The following ING2 variants were observed in gnomAD, a reference collection of about 807,000 sequenced individuals.
ING2 encodes the protein inhibitor of growth family member 2.
Under a neutral mutation model 30.6 loss-of-function variants are expected in ING2, and 7 were observed. That is an observed-to-expected ratio of 0.23 (90% confidence interval 0.13 to 0.43). The LOEUF (loss-of-function observed/expected upper bound fraction) is 0.43. Ranked by LOEUF, ING2 falls within the 20% of genes least tolerant of loss-of-function variation. ING2 has a pLI of 1.00. For missense variants in ING2, 239 were observed against 334.9 expected (o/e 0.71, Z 2.24); for synonymous variants, 136 against 121.7 (o/e 1.12, Z -0.78).
Position 183,510,265 on chromosome 4 carries a change from T to C in ING2, c.173-17T>C, listed in dbSNP as rs772963266. 6.6e-7 allele frequency: 1 copy of C among 1,514,014 alleles called. No homozygotes were observed. 93.8% of individuals were successfully genotyped at this position (1,514,014 alleles called of 1,614,324 possible). On this transcript the variant is annotated splice_polypyrimidine_tract_variant and intron_variant, in intron 1 of 1. Coordinates refer to ENST00000302327, the MANE Select transcript of ING2 (RefSeq NM_001564.4). Reference sequence around the variant, plus strand: ...TAACACATGATAACGTTCTCATTTTTCTTTTCCTTTTTTTAGAAACGTTAA... The same window carrying C: ...TAACACATGATAACGTTCTCATTTTCCTTTTCCTTTTTTTAGAAACGTTAA...
chr4:183,510,873 G>A lies in ING2; in HGVS notation c.764G>A (p.Cys255Tyr). The A allele has an allele frequency of 6.2e-7, 1 of 1,614,078 alleles. No homozygotes were observed. Among genetic ancestry groups the A allele is most frequent in the Non-Finnish European group, 8.5e-7 (1 of 1,179,950 alleles). Residue 255 changes from cysteine to tyrosine, a missense_variant, in exon 2 of 2, where the codon TGC (cysteine) becomes TAC (tyrosine). By Grantham distance (194) the Cys-to-Tyr change is radical (BLOSUM62 -2). Coordinates refer to ENST00000302327, the MANE Select transcript of ING2 (RefSeq NM_001564.4). Reference protein sequence around the residue: ...LTYKPKGKWYCPKCRGDNEKT... With the variant: ...LTYKPKGKWYYPKCRGDNEKT... ...TATAAACCAAAGGGGAAATGGTATT[G>A]CCCAAAGTGCAGGGGAGATAATGAG... is the stretch of plus-strand genomic sequence containing the variant.
At position 183,510,577 on chromosome 4, in the gene ING2, G is replaced by A; in HGVS notation, c.468G>A (p.Arg156=). 6.2e-7 allele frequency: 1 copy of A among 1,614,030 alleles called. No individual in the cohort carries two copies. The highest frequency in any genetic ancestry group is 1.3e-5 in the African/African-American group (1 of 75,036). Residue 156 remains arginine (R), a synonymous_variant, in exon 2 of 2, where the codon CGG becomes CGA. Coordinates refer to ENST00000302327, the MANE Select transcript of ING2 (RefSeq NM_001564.4). ...CTTCAAGAAGACCCCGCAGGCAGCG[G>A]ACCAGTGAAAGCCGTGATTTATGTC... The part of the protein sequence containing the change: ...ERSSRRPRRQ[R]TSESRDLCHM...
rs1734808279 is a variant in ING2 at position 183,510,928 on chromosome 4, A to G, written c.819A>G (p.Thr273=). 2.5e-6 allele frequency: 4 copies of G among 1,596,402 alleles called. No individual in the cohort carries two copies. In the East Asian group the frequency reaches 9.0e-5, roughly 36 times the overall value. ...EKTMDKSTEK[T]KKDRRSR ...CAATGGACAAAAGTACTGAAAAGACAAAAAAGGATAGAAGATCGAGGTAGT... is the reference window on the plus strand; with the variant it reads ...CAATGGACAAAAGTACTGAAAAGACGAAAAAGGATAGAAGATCGAGGTAGT... The change falls in exon 2 of 2, where the codon ACA becomes ACG. Residue 273 remains threonine (T), a synonymous_variant. Transcript: ENST00000302327.
chr4:183,505,348 G>A lies in ING2; in HGVS notation c.153G>A (p.Glu51=). Residue 51 remains glutamate (E), a synonymous_variant, in exon 1 of 2, where the codon GAG becomes GAA. Transcript: ENST00000302327. ...AGAGGAACGTGTCTGTGCTGCGAGAGCTGGACAACAAATATCAAGGTAGGA... is the reference window on the plus strand; with the variant it reads ...AGAGGAACGTGTCTGTGCTGCGAGAACTGGACAACAAATATCAAGGTAGGA... ...DMQRNVSVLR[E]LDNKYQETLK... The A allele has an allele frequency of 1.3e-6, 2 of 1,540,598 alleles. No homozygotes were observed. Among genetic ancestry groups the A allele is most frequent in the Non-Finnish European group, 1.8e-6 (2 of 1,142,836 alleles).
At position 183,505,262 on chromosome 4, in the gene ING2, C is replaced by T. The variant is rs550859084; in HGVS notation, c.67C>T (p.Leu23=). The change falls in exon 1 of 2, where the codon CTG becomes TTG. Residue 23 remains leucine (L), a synonymous_variant. Coordinates refer to ENST00000302327, the MANE Select transcript of ING2 (RefSeq NM_001564.4). ...GCTCCTGACCGGGGAGCGGAGCCGG[C>T]TGCTCACCTGCTACGTGCAGGACTA... ...AALLTGERSR[L]LTCYVQDYLE... 9.7e-5 allele frequency: 155 copies of T among 1,590,940 alleles called. 1 individual carries two copies. In the South Asian group the frequency reaches 1.7e-3, roughly 17 times the overall value.
In ING2 at chr4:183,510,285, C is replaced by T. The variant is rs1734791580; in HGVS notation, c.176C>T (p.Thr59Met). The T allele has an allele frequency of 6.4e-7, 1 of 1,563,390 alleles. No homozygotes were observed. Among genetic ancestry groups the T allele is most frequent in the African/African-American group, 1.4e-5 (1 of 72,262 alleles). Reference protein sequence around the residue: ...LRELDNKYQETLKEIDDVYEK... With the variant: ...LRELDNKYQEMLKEIDDVYEK... ...ATTTTTCTTTTCCTTTTTTTAGAAA[C>T]GTTAAAGGAAATTGATGATGTCTAC... Residue 59 changes from threonine to methionine, a missense_variant, in exon 2 of 2, where the codon ACG (threonine) becomes ATG (methionine). Physicochemically the swap from Thr to Met is moderately conservative, Grantham distance 81. This residue lies in a region of ING2 where 80 missense variants were observed against 102.4 expected (regional missense o/e 0.78). Transcript: ENST00000302327.
intron 1 of ING2, among the ~76,000 whole-genome samples, chr4:183,509,550 A>T (rs569625723): frequency 3.4e-5 from 5 of 146,004 alleles, no homozygotes; most frequent in Non-Finnish European, 6.0e-5. Flanking sequence ...GGTTCTCGCC[A>T]TTCTCCTGCC....
chr4:183,506,037 A>AGGGCCCCCGCGCCGGGGGC lies in ING2; in HGVS notation c.172+674_172+692dup, dbSNP rs1249312844. Reference sequence around the variant, plus strand: ...GAAGAGAGGGGCGTGTGTGGCGGGGAGGGCCCCCGCGCCGGGGGCGGGGCC... The same window carrying AGGGCCCCCGCGCCGGGGGC: ...GAAGAGAGGGGCGTGTGTGGCGGGGAGGGCCCCCGCGCCGGGGGCGGGCCCCCGCGCCGGGGGCGGGGCC... On this transcript the variant is annotated intron_variant, in intron 1 of 1. Transcript: ENST00000302327. The AGGGCCCCCGCGCCGGGGGC allele has an allele frequency of 2.9e-6, 3 of 1,039,106 alleles. No homozygotes were observed. The East Asian group carries it at 2.8e-4, about 97-fold the overall frequency. 64.4% of individuals were successfully genotyped at this position (1,039,106 alleles called of 1,614,324 possible). A position where few individuals can be genotyped will look rare whatever the true frequency, so the allele number is the denominator to read the frequency against.
chr4:183,511,069 A>G lies in ING2; in HGVS notation c.*117A>G. 2.5e-6 allele frequency: 2 copies of G among 814,188 alleles called. No individual in the cohort carries two copies. Among genetic ancestry groups the G allele is most frequent in the South Asian group, 2.0e-5 (1 of 49,326 alleles). The allele number at this position is 814,188 out of a possible 1,614,324, so 50.4% of individuals were successfully genotyped here. A position where few individuals can be genotyped will look rare whatever the true frequency, so the allele number is the denominator to read the frequency against. On this transcript the variant is annotated 3_prime_UTR_variant, in exon 2 of 2. Coordinates refer to ENST00000302327, the MANE Select transcript of ING2 (RefSeq NM_001564.4). ...CAATAATTTTTAATCATTAGTATTA[A>G]TGGTGTATTAAAAGTTGTTGTACTT...
rs1734833459 is a variant in ING2, at chr4:183,512,172, T to C, written c.*1220T>C. Among the ~76,000 whole-genome samples the C allele has an allele frequency of 6.6e-6, 1 of 152,216 alleles. No individual in the cohort carries two copies. Among genetic ancestry groups the C allele is most frequent in the Non-Finnish European group, 1.5e-5 (1 of 68,020 alleles). On this transcript the variant is annotated 3_prime_UTR_variant, in exon 2 of 2. Coordinates refer to ENST00000302327, the MANE Select transcript of ING2 (RefSeq NM_001564.4). ...CTGTGTGTAACGTATGTTTTATTCC[T>C]CATTTCTTCCTAATCTGATGATCTT...
intron 1 of ING2, chr4:183,505,953 G>A: frequency 2.4e-6 from 1 of 425,104 alleles, no homozygotes; most frequent in Non-Finnish European, 3.5e-6. Context: ...CCGCGTTGTA[G>A]CCCTAGCCCA....
chr4:183,509,828 G>A (rs1382444720), intron 1 of ING2, among the ~76,000 whole-genome samples: 1 of 151,240 alleles, frequency 6.6e-6, no homozygotes, highest in Non-Finnish European at 1.5e-5. Flanking sequence ...CCGCCTTCCG[G>A]GTTCAAGCAG....
intron 1 of ING2, among the ~76,000 whole-genome samples, chr4:183,509,816 C>T (rs1734776337): frequency 2.0e-5 from 3 of 149,580 alleles, no homozygotes; most frequent in East Asian, 2.0e-4. Flanking sequence ...TCACGGCAAC[C>T]TCCGCCTTCC....
intron 1 of ING2, among the ~76,000 whole-genome samples, chr4:183,508,702 A>C (rs1734740651): frequency 6.6e-6 from 1 of 152,356 alleles, no homozygotes; most frequent in African/African-American, 2.4e-5. Context: ...TTTAATAATT[A>C]TAATATTGGA....
intron 1 of ING2, chr4:183,506,468 C>G: frequency 2.2e-6 from 1 of 461,608 alleles, no homozygotes; most frequent in South Asian, 1.7e-5. Context: ...GAACCCGGGA[C>G]AGAATCGACC....
chr4:183,507,481 C>T (rs1313285335), intron 1 of ING2, among the ~76,000 whole-genome samples: 3 of 152,214 alleles, frequency 2.0e-5, no homozygotes, highest in African/African-American at 7.2e-5. Flanking sequence ...GTGAGGGATA[C>T]TATAATTTGT....
chr4:183,505,095 C>T lies in ING2; in HGVS notation c.-101C>T. The T allele has an allele frequency of 8.3e-7, 1 of 1,204,606 alleles. No individual in the cohort carries two copies. Among genetic ancestry groups the T allele is most frequent in the East Asian group, 3.4e-5 (1 of 29,520 alleles). 74.6% of individuals were successfully genotyped at this position (1,204,606 alleles called of 1,614,324 possible). Reference sequence around the variant, plus strand: ...GCCCTCTCGAGCGGCTGCGGGGTCCCCGCGGCGCCGGGCTGCTGAGCTGAG... The same window carrying T: ...GCCCTCTCGAGCGGCTGCGGGGTCCTCGCGGCGCCGGGCTGCTGAGCTGAG... On this transcript the variant is annotated 5_prime_UTR_variant, in exon 1 of 2. Transcript: ENST00000302327.
chr4:183,507,618 T>C (rs1034478281), intron 1 of ING2, among the ~76,000 whole-genome samples: 9 of 152,226 alleles, frequency 5.9e-5, no homozygotes, highest in African/African-American at 1.4e-4. Context: ...AGTTTGTGAT[T>C]AGTGATTAAA....
At chr4:183,506,055 G>C (rs964179918) in intron 1 of ING2, 8 of 1,110,126 alleles carry the variant, frequency 7.2e-6, no homozygotes, top group Non-Finnish European at 7.8e-6. Context: ...CGCGCCGGGG[G>C]CGGGGCCTGC....
Sources: gnomAD v4.1 joint callset for allele counts (sites outside exome capture counted in the v4.1 genomes callset) on GRCh38, gnomAD v4.1.1 for gene constraint, gnomAD v4.1.1 regional missense constraint, MANE v1.5 for transcripts, NCBI Gene and HGNC (gene_info 2026-07-23, HGNC 2026-07-21) for gene names.